PDE8A: variants seen among roughly 807,000 people sequenced by gnomAD.
PDE8A encodes high affinity cAMP-specific and IBMX-insensitive 3',5'-cyclic phosphodiesterase 8A.
In PDE8A, 59 loss-of-function variants were observed where a neutral mutation model predicts 105.0. That is an observed-to-expected ratio of 0.56 (90% CI 0.46 to 0.70). The LOEUF (loss-of-function observed/expected upper bound fraction) is 0.70, where lower values mean the gene tolerates loss of function less well. Ranked by LOEUF, PDE8A falls within the 30% of genes least tolerant of loss-of-function variation. The pLI, the probability that PDE8A is intolerant of heterozygous loss-of-function variation, is 0.00. For missense variants in PDE8A, 1,014 were observed against 1,045.9 expected, an observed-to-expected ratio of 0.97 and a Z score of 0.42; for synonymous variants, 355 against 371.9, an observed-to-expected ratio of 0.95 and a Z score of 0.52.
chr15:85,097,392 C>T (rs1394014219), intron 8 of PDE8A, among the ~76,000 whole-genome samples: 1 of 152,124 alleles, frequency 6.6e-6, no homozygotes, highest in Non-Finnish European at 1.5e-5. Context: ...TGATTTCAGC[C>T]CTGGGTTTTG....
At chr15:85,019,714 G>A (rs1348257817) in intron 1 of PDE8A, among the ~76,000 whole-genome samples, 1 of 151,910 alleles carries the variant, frequency 6.6e-6, no homozygotes, top group Non-Finnish European at 1.5e-5. Context: ...CAAGTAGCTG[G>A]GACTACAGGC....
chr15:84,987,632 C>T (rs541521102), intron 1 of PDE8A, among the ~76,000 whole-genome samples: 22 of 151,908 alleles, frequency 1.4e-4, no homozygotes, highest in Middle Eastern at 3.4e-3. Context: ...CCACCATGCC[C>T]GGCTAATTTT....
chr15:85,005,963 G>C (rs898010199), intron 1 of PDE8A, among the ~76,000 whole-genome samples: 7 of 152,130 alleles, frequency 4.6e-5, no homozygotes, highest in Admixed American at 3.9e-4. Flanking sequence ...TCACACGTTC[G>C]GCTCTGAGCT....
intron 1 of PDE8A, among the ~76,000 whole-genome samples, chr15:85,019,943 G>GTTTTTTTTTTTTTTTTTT (rs201634002): frequency 1.5e-5 from 1 of 64,762 alleles, no homozygotes; most frequent in African/African-American, 6.3e-5. Context: ...TTTTTTTTTG[G>GTTTTTTTTTTTTTTTTTT]TTTTTTTTTT....
At chr15:85,029,559 T>C (rs1401757814) in intron 1 of PDE8A, among the ~76,000 whole-genome samples, 2 of 152,106 alleles carry the variant, frequency 1.3e-5, no homozygotes, top group African/African-American at 2.4e-5. Context: ...TTCCCAAATA[T>C]ACATTTTACT....
intron 11 of PDE8A, among the ~76,000 whole-genome samples, chr15:85,101,694 C>A (rs376132345): frequency 6.6e-6 from 1 of 151,772 alleles, no homozygotes; most frequent in East Asian, 1.9e-4. Context: ...TTGCCATGGT[C>A]GAGAGGAAAG....
At chr15:84,990,615 T>C (rs1009891501) in intron 1 of PDE8A, among the ~76,000 whole-genome samples, 2 of 151,834 alleles carry the variant, frequency 1.3e-5, no homozygotes, top group Admixed American at 1.3e-4. Context: ...CACAGTTCAC[T>C]TATCTATTCT....
chr15:85,004,714 G>A (rs1320135945), intron 1 of PDE8A, among the ~76,000 whole-genome samples: 3 of 152,286 alleles, frequency 2.0e-5, no homozygotes, highest in East Asian at 3.9e-4. Context: ...TTCTGCTTCC[G>A]TTCATTGCTG....
chr15:85,136,722 A>G, intron 21 of PDE8A, 59 bp downstream of exon 21: 2 of 1,527,216 alleles, frequency 1.3e-6, no homozygotes, highest in Non-Finnish European at 1.8e-6. Flanking sequence ...ACCGCGTATG[A>G]AAGAGCAGAG....
intron 1 of PDE8A, among the ~76,000 whole-genome samples, chr15:85,026,894 G>A (rs1180701923): frequency 1.3e-5 from 2 of 152,212 alleles, no homozygotes; most frequent in African/African-American, 4.8e-5. Flanking sequence ...ATGTGTGTCT[G>A]TGTGTTCTGG....
At chr15:85,092,779 C>T (rs1157571908) in intron 8 of PDE8A, among the ~76,000 whole-genome samples, 1 of 152,154 alleles carries the variant, frequency 6.6e-6, no homozygotes, top group Non-Finnish European at 1.5e-5. Flanking sequence ...TGTGTCTCAC[C>T]TTTGCTGGGG....
chr15:85,100,715 C>A (rs895092967), intron 11 of PDE8A, among the ~76,000 whole-genome samples: 2 of 152,204 alleles, frequency 1.3e-5, no homozygotes, highest in Non-Finnish European at 2.9e-5. Flanking sequence ...TCAAACGTGT[C>A]ATGACTTCAG....
intron 1 of PDE8A, among the ~76,000 whole-genome samples, chr15:85,027,169 CA>C (rs1451328251): frequency 6.6e-6 from 1 of 152,104 alleles, no homozygotes; most frequent in Non-Finnish European, 1.5e-5. Flanking sequence ...GACTGTGGAC[CA>C]GACTTGGAGA....
At chr15:85,019,498 C>T (rs999131849) in intron 1 of PDE8A, among the ~76,000 whole-genome samples, 5 of 152,140 alleles carry the variant, frequency 3.3e-5, no homozygotes, top group Admixed American at 2.6e-4. Context: ...AAACGATCCA[C>T]GTATGTCAGC....
chr15:85,081,965 C>T lies in PDE8A; in HGVS notation c.547-1591C>T, dbSNP rs767901430. On this transcript the variant is annotated intron_variant, in intron 5 of 21. Coordinates refer to ENST00000394553, the MANE Select transcript of PDE8A (RefSeq NM_002605.3). ...CCCTCCACAGCCCTCACATCCCCTC[C>T]ACAGCCCTCACATCCCAGAATCTTA... Among the ~76,000 whole-genome samples the T allele has an allele frequency of 3.3e-4, 50 of 151,936 alleles. 1 individual carries two copies. Among genetic ancestry groups the T allele is most frequent in the Admixed American group, 9.8e-4 (15 of 15,254 alleles).
chr15:85,134,100 G>A (rs1262259410), intron 20 of PDE8A, among the ~76,000 whole-genome samples: 1 of 152,218 alleles, frequency 6.6e-6, no homozygotes, highest in Non-Finnish European at 1.5e-5. Context: ...AGGGAACGGG[G>A]GCCCCTGGAC....
At chr15:85,020,889 A>G (rs1328639683) in intron 1 of PDE8A, among the ~76,000 whole-genome samples, 1 of 152,152 alleles carries the variant, frequency 6.6e-6, no homozygotes, top group Non-Finnish European at 1.5e-5. Flanking sequence ...TGTTACCAAG[A>G]TCATCAAATT....
chr15:85,126,110 A>T (rs1312313142), intron 19 of PDE8A, 97 bp from the exon 20 acceptor site: 1 of 764,362 alleles, frequency 1.3e-6, no homozygotes, highest in Admixed American at 2.6e-5. Flanking sequence ...GATCCTGACT[A>T]GTGCTCTTTT....
At chr15:84,999,550 T>TG (rs1394168768) in intron 1 of PDE8A, among the ~76,000 whole-genome samples, 7 of 115,426 alleles carry the variant, frequency 6.1e-5, no homozygotes, top group Admixed American at 8.8e-5. Context: ...GGCCTCCCTT[T>TG]TTTGTTGTTG....
Sources: gnomAD v4.1 joint callset for allele counts (sites outside exome capture counted in the v4.1 genomes callset) on GRCh38, gnomAD v4.1.1 for gene constraint, MANE v1.5 for transcripts, NCBI Gene and HGNC (gene_info 2026-07-23, HGNC 2026-07-21) for gene names.